The following PTCHD1 variants were observed in gnomAD, a reference collection of about 807,000 sequenced individuals.
PTCHD1 encodes patched domain-containing protein 1.
A neutral mutation model predicts 34.6 loss-of-function variants in PTCHD1; 3 were observed. The observed-to-expected ratio is 0.09, with a 90% CI of 0.04 to 0.22. The LOEUF (loss-of-function observed/expected upper bound fraction) is 0.22. Among genes scored for constraint, PTCHD1 ranks in the 10% least tolerant of loss-of-function variants. PTCHD1 has a pLI of 1.00. For missense variants in PTCHD1, 504 were observed against 685.5 expected, an observed-to-expected ratio of 0.74 and a Z score of 2.96; for synonymous variants, 305 against 283.1, an observed-to-expected ratio of 1.08 and a Z score of -0.77.
chrX:23,403,816 T>A lies in PTCHD1; in HGVS notation c.*9631T>A, dbSNP rs1328430771. 9.0e-6 allele frequency: 1 copy of A among 111,460 alleles called. No individual in the cohort carries two copies. Among genetic ancestry groups the A allele is most frequent in the Non-Finnish European group, 1.9e-5 (1 of 53,112 alleles). The allele number at this position is 111,460 out of a possible 1,213,427, so 9.2% of individuals were successfully genotyped here. On this transcript the variant is annotated 3_prime_UTR_variant, in exon 3 of 3. Coordinates refer to ENST00000379361, the MANE Select transcript of PTCHD1 (RefSeq NM_173495.3). ...CTAAACTTGTTACATTTGAGGCAAA[T>A]ATGTACAGTATTTTTCCCTTTTAAA...
chrX:23,342,786 GCCCT>G (rs751014392), intron 1 of PTCHD1, among the ~76,000 whole-genome samples: 2 of 111,675 alleles, frequency 1.8e-5, no homozygotes, highest in East Asian at 5.6e-4. Flanking sequence ...CCCTAAAAGT[GCCCT>G]CCCTCCTCTC....
chrX:23,389,833 A>T (rs368048970), intron 2 of PTCHD1, among the ~76,000 whole-genome samples: 3 of 112,119 alleles, frequency 2.7e-5, no homozygotes, highest in East Asian at 2.8e-4. Flanking sequence ...CAGGACTCAA[A>T]ATAAAAGATC....
intron 2 of PTCHD1, among the ~76,000 whole-genome samples, chrX:23,390,005 A>G (rs751503210): frequency 8.9e-6 from 1 of 111,754 alleles, no homozygotes; most frequent in Non-Finnish European, 1.9e-5. Context: ...CCTTTTCTCA[A>G]TTAGCTTCTA....
intron 1 of PTCHD1, among the ~76,000 whole-genome samples, chrX:23,366,699 A>G (rs1354255006): frequency 9.0e-6 from 1 of 111,431 alleles, no homozygotes; most frequent in East Asian, 2.8e-4. Context: ...GAACTCCACA[A>G]AGATTTTGTA....
rs758669832 is a variant in PTCHD1 at position 23,334,908 on chromosome X, G to A, written c.33G>A (p.Arg11=). ...GGCAGGTTCTGCACAGGGGCTTGAG[G>A]ACGTGTTTCTCCCGGCTCGGCCACT... MLRQVLHRGL[R]TCFSRLGHFI... is the part of the protein sequence containing the mutation. The change falls in exon 1 of 3, where the codon AGG becomes AGA. Residue 11 remains arginine, a synonymous_variant. Coordinates refer to ENST00000379361, the MANE Select transcript of PTCHD1 (RefSeq NM_173495.3). The A allele has an allele frequency of 5.0e-6, 6 of 1,202,626 alleles. No homozygotes were observed. Among genetic ancestry groups the A allele is most frequent in the Non-Finnish European group, 6.7e-6 (6 of 891,297 alleles).
intron 1 of PTCHD1, among the ~76,000 whole-genome samples, chrX:23,365,539 A>G (rs761610499): frequency 5.4e-5 from 6 of 111,464 alleles, no homozygotes; most frequent in Non-Finnish European, 9.4e-5. Flanking sequence ...CATATAATTA[A>G]GCAGGCCACT....
rs138700012 is a variant in PTCHD1 at position 23,377,749 on chromosome X, A to G, written c.352-1842A>G. 9.0e-3 allele frequency among the ~76,000 whole-genome samples: 1,002 copies of G among 111,497 alleles called. 6 individuals are homozygous for G. The highest frequency in any genetic ancestry group is 0.032 in the African/African-American group (972 of 30,696). ...GGGCCACTGAGAATTAGGATTCTCC[A>G]CTCATGCTCTGTGCTAATGAAAGCA... is the stretch of plus-strand genomic sequence containing the variant. On this transcript the variant is annotated intron_variant, in intron 1 of 2. Coordinates refer to ENST00000379361, the MANE Select transcript of PTCHD1 (RefSeq NM_173495.3).
chrX:23,391,482 A>C (rs1922826702), intron 2 of PTCHD1, among the ~76,000 whole-genome samples: 1 of 111,337 alleles, frequency 9.0e-6, no homozygotes, highest in Admixed American at 9.6e-5. Flanking sequence ...TTCTTCACTG[A>C]AACTTCTTCA....
At chrX:23,391,656 G>A (rs1922830775) in intron 2 of PTCHD1, among the ~76,000 whole-genome samples, 1 of 111,066 alleles carries the variant, frequency 9.0e-6, no homozygotes, top group African/African-American at 3.3e-5. Context: ...TTTTAAATGA[G>A]GTGACAGGAC....
At chrX:23,381,676 T>C (rs1427192812) in intron 2 of PTCHD1, among the ~76,000 whole-genome samples, 1 of 112,033 alleles carries the variant, frequency 8.9e-6, no homozygotes, top group Admixed American at 9.4e-5. Flanking sequence ...CATATACTAG[T>C]AGCTTTTGTG....
chrX:23,337,520 T>C (rs868669326), intron 1 of PTCHD1, among the ~76,000 whole-genome samples: 2 of 111,032 alleles, frequency 1.8e-5, no homozygotes, highest in African/African-American at 6.6e-5. Context: ...GTGAGCACTT[T>C]TTTTTTTTTA....
At chrX:23,389,666 T>C (rs1293908598) in intron 2 of PTCHD1, among the ~76,000 whole-genome samples, 4 of 111,663 alleles carry the variant, frequency 3.6e-5, no homozygotes, top group Middle Eastern at 4.6e-3. Flanking sequence ...ACAAATTCTT[T>C]CTCAGGGCCT....
At chrX:23,336,429 G>A (rs1263898430) in intron 1 of PTCHD1, among the ~76,000 whole-genome samples, 6 of 111,403 alleles carry the variant, frequency 5.4e-5, no homozygotes, top group Non-Finnish European at 9.4e-5. Flanking sequence ...TAGATTTCTA[G>A]TCTACTTATC....
rs369975097 is a variant in PTCHD1 at position 23,335,211 on chromosome X, C to A, written c.336C>A (p.Thr112=). 6.6e-6 allele frequency: 8 copies of A among 1,207,697 alleles called. No individual in the cohort carries two copies. The highest frequency in any genetic ancestry group is 1.7e-5 in the African/African-American group (1 of 57,480). ...CCAACATGCTGGACCAGCATCACAC[C>A]GACCTGATCTTAAAGGTGAGAGGGG... The part of the protein sequence containing the change: ...QKANMLDQHH[T]DLILKLHAAV... The change falls in exon 1 of 3, where the codon ACC becomes ACA. Residue 112 remains threonine, a synonymous_variant. Coordinates refer to ENST00000379361, the MANE Select transcript of PTCHD1 (RefSeq NM_173495.3).
chrX:23,389,413 CT>C (rs1384589732), intron 2 of PTCHD1, among the ~76,000 whole-genome samples: 1 of 112,234 alleles, frequency 8.9e-6, no homozygotes, highest in Admixed American at 9.4e-5. Context: ...TATGTTAGCA[CT>C]TGTCCCTCCC....
At chrX:23,354,640 T>G (rs1016967011) in intron 1 of PTCHD1, among the ~76,000 whole-genome samples, 13 of 103,709 alleles carry the variant, frequency 1.3e-4, no homozygotes, top group African/African-American at 3.9e-4. Flanking sequence ...TGGCGCCATC[T>G]CAGCTCACTG....
chrX:23,364,571 C>T (rs763601781), intron 1 of PTCHD1, among the ~76,000 whole-genome samples: 2 of 111,625 alleles, frequency 1.8e-5, no homozygotes, highest in African/African-American at 6.5e-5. Flanking sequence ...TCACTGCCAT[C>T]GTGGGGACTT....
intron 1 of PTCHD1, among the ~76,000 whole-genome samples, chrX:23,340,614 T>C (rs188902683): frequency 1.2e-4 from 13 of 112,419 alleles, no homozygotes; most frequent in African/African-American, 3.9e-4. Flanking sequence ...TTCCAGTCTC[T>C]CTGCTTTTCC....
chrX:23,355,520 A>G (rs1389203517), intron 1 of PTCHD1, among the ~76,000 whole-genome samples: 1 of 113,066 alleles, frequency 8.8e-6, no homozygotes, highest in Non-Finnish European at 1.9e-5. Context: ...ATATAAGCAC[A>G]TCACAGATTT....
Sources: allele counts gnomAD v4.1 joint callset (sites outside exome capture counted in the v4.1 genomes callset), GRCh38; gene constraint gnomAD v4.1.1; transcripts MANE v1.5; gene names NCBI Gene and HGNC (gene_info 2026-07-23, HGNC 2026-07-21).